The following CPED1 variants were observed in gnomAD, a reference collection of about 807,000 sequenced individuals.
The protein encoded by CPED1 is cadherin like and PC-esterase domain containing 1.
CPED1 carries 114 observed loss-of-function variants against 128.2 expected under a neutral mutation model. The ratio of observed to expected loss-of-function variants is 0.89; its 90% confidence interval spans 0.76 to 1.04. CPED1 has a LOEUF of 1.04. CPED1 is among the 50% of genes least tolerant of loss of function. The pLI, the probability that CPED1 is intolerant of heterozygous loss-of-function variation, is 0.00. For synonymous variants in CPED1, 462 were observed against 426.7 expected, an observed-to-expected ratio of 1.08 and a Z score of -1.02; for missense variants, 1,211 against 1,207.1, an observed-to-expected ratio of 1.00 and a Z score of -0.05.
At chr7:121,029,396 T>A (rs906140391) in intron 3 of CPED1, among the ~76,000 whole-genome samples, 5 of 152,200 alleles carry the variant, frequency 3.3e-5, no homozygotes, top group African/African-American at 1.2e-4. Context: ...GGACTTTACC[T>A]GTTGTTCTAT....
chr7:121,159,927 G>A (rs1299028863), intron 16 of CPED1, among the ~76,000 whole-genome samples: 1 of 152,018 alleles, frequency 6.6e-6, no homozygotes, highest in Non-Finnish European at 1.5e-5. Flanking sequence ...TTATGATCTA[G>A]GTTACATTAA....
At chr7:121,186,609 G>A (rs1278961158) in intron 16 of CPED1, among the ~76,000 whole-genome samples, 1 of 152,042 alleles carries the variant, frequency 6.6e-6, no homozygotes, top group South Asian at 2.1e-4. Context: ...ATAGATACCT[G>A]CAGTTTATTG....
chr7:120,990,949 A>G (rs1288098810), intron 2 of CPED1, among the ~76,000 whole-genome samples: 2 of 152,226 alleles, frequency 1.3e-5, no homozygotes, highest in African/African-American at 4.8e-5. Flanking sequence ...TAGGATTATT[A>G]GCATTTTATG....
intron 16 of CPED1, among the ~76,000 whole-genome samples, chr7:121,183,638 A>G (rs982006027): frequency 6.6e-6 from 1 of 152,224 alleles, no homozygotes. Flanking sequence ...GATTATGTGA[A>G]ATACCTCAGA....
chr7:121,041,192 T>C (rs1793043114), intron 3 of CPED1, among the ~76,000 whole-genome samples: 1 of 152,150 alleles, frequency 6.6e-6, no homozygotes. Context: ...TTAATTATAA[T>C]TGTTTGCTGT....
At chr7:121,107,458 C>A (rs1400302378) in intron 7 of CPED1, among the ~76,000 whole-genome samples, 2 of 152,056 alleles carry the variant, frequency 1.3e-5, no homozygotes, top group African/African-American at 4.8e-5. Context: ...GGAAACAAAT[C>A]TTCAGTGCCT....
At position 121,297,259 on chromosome 7, in the gene CPED1, A is replaced by G. The variant is rs187014277; in HGVS notation, c.*1607A>G. On this transcript the variant is annotated 3_prime_UTR_variant, in exon 23 of 23. Coordinates refer to ENST00000310396, the MANE Select transcript of CPED1 (RefSeq NM_024913.5). ...CGTTACCAATGTGTGCAGCCTCTCC[A>G]TCATGTTTTAACATACTGTATACTC... 93 of 152,198 alleles carry G rather than the reference A, an allele frequency of 6.1e-4. No homozygotes were observed. The highest frequency in any genetic ancestry group is 8.8e-5 in the Non-Finnish European group (6 of 67,964). The allele number at this position is 152,198 out of a possible 1,614,324, so 9.4% of individuals were successfully genotyped here.
Position 121,130,301 on chromosome 7 carries a change from T to G in CPED1, c.1577+7T>G. On this transcript the variant is annotated splice_region_variant and intron_variant, in intron 12 of 22. Coordinates refer to ENST00000310396, the MANE Select transcript of CPED1 (RefSeq NM_024913.5). ...AGCCACATCCACTGGAATGGTAAGA[T>G]AGCCACAAATTTGAATTGTACAATC... is the stretch of plus-strand genomic sequence containing the variant. 1 of 1,586,926 alleles carries G rather than the reference T, an allele frequency of 6.3e-7. No individual in the cohort carries two copies. The highest frequency in any genetic ancestry group is 8.5e-7 in the Non-Finnish European group (1 of 1,170,838).
intron 4 of CPED1, among the ~76,000 whole-genome samples, chr7:121,055,821 C>T (rs973823268): frequency 1.3e-5 from 2 of 151,606 alleles, no homozygotes; most frequent in East Asian, 3.9e-4. Context: ...TACAATTTCT[C>T]CCAGAAATGA....
intron 4 of CPED1, chr7:121,050,709 C>A: frequency 2.4e-6 from 1 of 419,574 alleles, no homozygotes; most frequent in Non-Finnish European, 4.9e-6. Context: ...AGGTGATCCA[C>A]CGCCTCGGCC....
intron 16 of CPED1, among the ~76,000 whole-genome samples, chr7:121,214,475 G>A (rs1025975988): frequency 4.6e-5 from 7 of 151,952 alleles, no homozygotes; most frequent in African/African-American, 1.7e-4. Context: ...TGTATTTTTA[G>A]TAGAGATGAG....
chr7:120,997,634 C>T lies in CPED1; in HGVS notation c.249+7764C>T, dbSNP rs115986734. Among the ~76,000 whole-genome samples, 304 of 152,218 alleles carry T rather than the reference C, an allele frequency of 2.0e-3. 3 individuals carry two copies. The highest frequency in any genetic ancestry group is 6.9e-3 in the African/African-American group (286 of 41,552). ...CAATATGACTGGTGTTATAGGAAGG[C>T]AGTAGATGGGGCGTGGTGGCTCACA... On this transcript the variant is annotated intron_variant, in intron 2 of 22. Transcript: ENST00000310396.
intron 18 of CPED1, among the ~76,000 whole-genome samples, chr7:121,257,105 C>T (rs1406224365): frequency 6.6e-6 from 1 of 151,978 alleles, no homozygotes; most frequent in Non-Finnish European, 1.5e-5. Context: ...GAAAAATTAC[C>T]TATTGGGTAC....
chr7:121,104,865 G>A (rs1262839645), intron 7 of CPED1, among the ~76,000 whole-genome samples: 1 of 152,062 alleles, frequency 6.6e-6, no homozygotes, highest in Non-Finnish European at 1.5e-5. Flanking sequence ...ACTTTGCAAT[G>A]ATATATACAT....
intron 16 of CPED1, among the ~76,000 whole-genome samples, chr7:121,229,229 T>G (rs1798083820): frequency 6.6e-6 from 1 of 152,064 alleles, no homozygotes; most frequent in Non-Finnish European, 1.5e-5. Flanking sequence ...TTTGTTAATG[T>G]CTCCTTCCCA....
chr7:121,082,112 G>A (rs187588789), intron 5 of CPED1, among the ~76,000 whole-genome samples: 34 of 152,258 alleles, frequency 2.2e-4, no homozygotes, highest in African/African-American at 7.7e-4. Context: ...GTTCCACCTA[G>A]CTGCTAAATA....
intron 17 of CPED1, among the ~76,000 whole-genome samples, chr7:121,237,670 C>T (rs1389827063): frequency 6.6e-6 from 1 of 152,134 alleles, no homozygotes; most frequent in Non-Finnish European, 1.5e-5. Context: ...TTCCTGGTTA[C>T]TGCTCTGTCC....
chr7:121,036,684 A>T (rs1371283559), intron 3 of CPED1, among the ~76,000 whole-genome samples: 1 of 151,822 alleles, frequency 6.6e-6, no homozygotes, highest in African/African-American at 2.4e-5. Context: ...CAAATAGTAG[A>T]TCTATTTTAA....
intron 7 of CPED1, among the ~76,000 whole-genome samples, chr7:121,105,243 A>G (rs1197275336): frequency 7.9e-5 from 12 of 152,162 alleles, no homozygotes. Context: ...ACACAGTTGT[A>G]GGGATGAAGT....
Sources: allele counts gnomAD v4.1 joint callset (sites outside exome capture counted in the v4.1 genomes callset), GRCh38; gene constraint gnomAD v4.1.1; transcripts MANE v1.5; gene names NCBI Gene and HGNC (gene_info 2026-07-23, HGNC 2026-07-21).